DGKA: variants seen among roughly 807,000 people sequenced by gnomAD.
DGKA encodes the protein 80 kDa diacylglycerol kinase.
DGKA carries 35 observed loss-of-function variants against 105.0 expected under a neutral mutation model. The observed-to-expected ratio is 0.33, with a 90% CI of 0.25 to 0.44. The LOEUF is 0.44. DGKA is among the 20% of genes least tolerant of loss of function. The probability of loss-of-function intolerance (pLI) is 1.00; values close to 1 mark genes in which losing one functional copy is unlikely to be tolerated. For missense variants in DGKA, 665 were observed against 915.0 expected, an observed-to-expected ratio of 0.73 and a Z score of 3.53; for synonymous variants, 296 against 332.0, an observed-to-expected ratio of 0.89 and a Z score of 1.18.
chr12:55,951,913 C>T (rs1888230518), intron 18 of DGKA, 122 bp from the exon 19 acceptor site: 5 of 1,505,742 alleles, frequency 3.3e-6, no homozygotes, highest in Non-Finnish European at 4.6e-6. Context: ...CAGTACAGTG[C>T]TGAGTTGCAA....
At chr12:55,944,042 T>A (rs1038787383) in intron 17 of DGKA, among the ~76,000 whole-genome samples, 1 of 152,146 alleles carries the variant, frequency 6.6e-6, no homozygotes, top group East Asian at 1.9e-4. Context: ...ATTCCTGTAA[T>A]CCCAACACTT....
chr12:55,928,676 CAAAAAAAAAAA>C (rs56280303), upstream of DGKA, among the ~76,000 whole-genome samples: 5 of 47,258 alleles, frequency 1.1e-4, no homozygotes, highest in Admixed American at 7.4e-4. Context: ...GACCCCGTCT[CAAAAAAAAAAA>C]AAAAAAAAAA....
Position 55,939,576 on chromosome 12 carries a change from A to G in DGKA, c.709+47A>G, listed in dbSNP as rs376072906. On this transcript the variant is annotated intron_variant, in intron 9 of 23. Transcript: ENST00000331886. ...GTAGGGGAAGAGGGTCAGCCCAGCT[A>G]TCTGTGGGAGCTTGATGCTGTAAAC... 6 of 1,575,900 alleles carry G rather than the reference A, an allele frequency of 3.8e-6. No homozygotes were observed. The African/African-American group carries it at 5.4e-5, about 14-fold the overall frequency.
Position 55,953,172 on chromosome 12 carries a change from T to G in DGKA, c.2063+12T>G. The G allele has an allele frequency of 6.2e-7, 1 of 1,613,972 alleles. No homozygotes were observed. Among genetic ancestry groups the G allele is most frequent in the South Asian group, 1.1e-5 (1 of 91,074 alleles). ...GAGATCACCTTCCAGTAAGGAAGAC[T>G]CCACCAGGGTCCCTGAGGGAAGGTG... is the stretch of plus-strand genomic sequence containing the variant. On this transcript the variant is annotated intron_variant, in intron 22 of 23. Coordinates refer to ENST00000331886, the MANE Select transcript of DGKA (RefSeq NM_001345.5).
At chr12:55,941,141 AG>A in intron 13 of DGKA, 110 bp from the exon 14 acceptor site, 3 of 1,366,900 alleles carry the variant, frequency 2.2e-6, no homozygotes, top group Admixed American at 2.0e-5. Context: ...AACAGGAGGG[AG>A]GGGGGAAATA....
In DGKA at chr12:55,936,538, A is replaced by AT; in HGVS notation, c.39dup (p.Ala14CysfsTer16). On this transcript the variant is annotated frameshift_variant, in exon 2 of 24. Coordinates refer to ENST00000331886, the MANE Select transcript of DGKA (RefSeq NM_001345.5). LOFTEE classifies it high-confidence loss of function. ...GAGAGGGGCCTAATAAGCCCCAGTG[A>AT]TTTTGCCCAGCTGCAAAAATACATG... 2 of 1,614,096 alleles carry AT rather than the reference A, an allele frequency of 1.2e-6. No homozygotes were observed. The highest frequency in any genetic ancestry group is 1.7e-6 in the Non-Finnish European group (2 of 1,180,002).
chr12:55,948,598 C>T lies in DGKA; in HGVS notation c.1427-3025C>T, dbSNP rs1887521157. Reference sequence around the variant, plus strand: ...AAATAATTAACCAGGCATGGTGGCACACGCTTGTGGTTCCAGATACTCAGG... The same window carrying T: ...AAATAATTAACCAGGCATGGTGGCATACGCTTGTGGTTCCAGATACTCAGG... On this transcript the variant is annotated intron_variant, in intron 17 of 23. Transcript: ENST00000331886. Among the ~76,000 whole-genome samples, 5 of 151,676 alleles carry T rather than the reference C, an allele frequency of 3.3e-5. No individual in the cohort carries two copies. In the South Asian group the frequency reaches 1.0e-3, roughly 32 times the overall value.
Position 55,932,657 on chromosome 12 carries a change from C to A in DGKA, c.-82+1313C>A. On this transcript the variant is annotated intron_variant, in intron 1 of 23. Transcript: ENST00000331886. The surrounding 1 kb of genome is among the most constrained non-coding windows in gnomAD (Gnocchi z 4.3). ...CCACATCCCCCAACCATGCCAGTATCGTAACTTCCTCCTATACTACGCAAT... is the reference window on the plus strand; with the variant it reads ...CCACATCCCCCAACCATGCCAGTATAGTAACTTCCTCCTATACTACGCAAT... 1 of 694,816 alleles carries A rather than the reference C, an allele frequency of 1.4e-6. No homozygotes were observed. The highest frequency in any genetic ancestry group is 1.5e-5 in the South Asian group (1 of 67,164). 43.0% of individuals were successfully genotyped at this position (694,816 alleles called of 1,614,324 possible).
chr12:55,940,670 G>A lies in DGKA; in HGVS notation c.965G>A (p.Gly322Glu), dbSNP rs762636943. The change falls in exon 12 of 24, where the codon GGG (glycine) becomes GAG (glutamate). Residue 322 changes from glycine to glutamate, a missense_variant. Gly to Glu is a moderately conservative substitution (Grantham distance 98). This residue lies in a region of DGKA where 504 missense variants were observed against 681.2 expected (regional missense o/e 0.74). Transcript: ENST00000331886. The surrounding 1 kb of genome is among the most constrained non-coding windows in gnomAD (Gnocchi z 4.3). ...GCGGTGGGCCATGAGTGTGACTGTG[G>A]GCTGCTCCGGGATCACATCCTGCCT... ...LQAVGHECDC[G>E]LLRDHILPPS... 1.2e-6 allele frequency: 2 copies of A among 1,603,604 alleles called. No homozygotes were observed. The highest frequency in any genetic ancestry group is 1.7e-6 in the Non-Finnish European group (2 of 1,176,742).
intron 17 of DGKA, among the ~76,000 whole-genome samples, chr12:55,946,984 CTT>C (rs1233832786): frequency 1.7e-4 from 22 of 127,832 alleles, no homozygotes; most frequent in East Asian, 2.2e-4. Flanking sequence ...TCCTTTCTTT[CTT>C]TTTTTTTTTT....
At chr12:55,938,620 C>G in intron 6 of DGKA, 60 bp downstream of exon 6, 1 of 1,611,556 alleles carries the variant, frequency 6.2e-7, no homozygotes, top group Non-Finnish European at 8.5e-7. Flanking sequence ...CTGCACCCTC[C>G]TGCCCCAACT....
upstream of DGKA, chr12:55,928,133 A>C (rs1213096312): frequency 3.9e-6 from 1 of 258,562 alleles, no homozygotes; most frequent in Non-Finnish European, 7.3e-6. Context: ...TTGTTCCTTC[A>C]GGGCTAAGTC....
At chr12:55,931,731 G>C (rs1883638947) in intron 1 of DGKA, 1 of 152,270 alleles carries the variant, frequency 6.6e-6, no homozygotes, top group African/African-American at 2.4e-5. Flanking sequence ...CCGGTATCTT[G>C]GTCTCCCAGG....
At chr12:55,945,761 G>A (rs10783775) in intron 17 of DGKA, among the ~76,000 whole-genome samples, 127,611 of 151,804 alleles carry the variant, frequency 0.84, 53,968 homozygotes, top group African/African-American at 0.93. Flanking sequence ...CCACCCAGAT[G>A]ATCCAGTATG....
chr12:55,937,651 A>T (rs1486130972), intron 4 of DGKA, 108 bp downstream of exon 4: 1 of 1,423,574 alleles, frequency 7.0e-7, no homozygotes, highest in East Asian at 2.3e-5. Flanking sequence ...AGGTTGGGGG[A>T]AATTGGTGGA....
chr12:55,937,883 T>C (rs573526851), intron 4 of DGKA, 95 bp from the exon 5 acceptor site: 3 of 1,166,520 alleles, frequency 2.6e-6, no homozygotes, highest in South Asian at 2.7e-5. Flanking sequence ...AGTAAATCTT[T>C]TTTTTAAAAA....
chr12:55,933,776 A>T (rs1884113001), intron 1 of DGKA, among the ~76,000 whole-genome samples: 1 of 152,164 alleles, frequency 6.6e-6, no homozygotes, highest in Admixed American at 6.6e-5. Context: ...GGCTTCACTG[A>T]TGCTAGCAGT....
At chr12:55,937,699 G>C in intron 4 of DGKA, 156 bp downstream of exon 4, 1 of 1,038,914 alleles carries the variant, frequency 9.6e-7, no homozygotes, top group Non-Finnish European at 1.4e-6. Context: ...AGGGAGGAAA[G>C]GTAAAGGGGA....
intron 15 of DGKA, 39 bp from the exon 16 acceptor site, chr12:55,941,959 T>C: frequency 6.2e-7 from 1 of 1,608,404 alleles, no homozygotes; most frequent in South Asian, 1.1e-5. Flanking sequence ...GCCTCAGTCC[T>C]GTTATCCTTC....
Sources: allele counts gnomAD v4.1 joint callset (sites outside exome capture counted in the v4.1 genomes callset), GRCh38; gene constraint gnomAD v4.1.1; regional missense constraint gnomAD v4.1.1; non-coding constraint Gnocchi (gnomAD v3.1); transcripts MANE v1.5; gene names NCBI Gene and HGNC (gene_info 2026-07-23, HGNC 2026-07-21).